Variants in AGBL4 observed in about 807,000 individuals in gnomAD.
The protein encoded by AGBL4 is AGBL carboxypeptidase 4.
Under a neutral mutation model 66.4 loss-of-function variants are expected in AGBL4, and 58 were observed. The ratio of observed to expected loss-of-function variants is 0.87; its 90% confidence interval spans 0.71 to 1.09. The LOEUF is 1.09. AGBL4 is among the 50% of genes least tolerant of loss of function. The pLI is 0.00. For synonymous variants in AGBL4, 234 were observed against 222.9 expected (o/e 1.05, Z -0.44); for missense variants, 579 against 631.0 (o/e 0.92, Z 0.88).
At chr1:49,272,212 G>A (rs1644075753) in intron 3 of AGBL4, among the ~76,000 whole-genome samples, 1 of 152,082 alleles carries the variant, frequency 6.6e-6, no homozygotes, top group Non-Finnish European at 1.5e-5. Context: ...TCTTTTTGGA[G>A]ACCCAGGATT....
intron 3 of AGBL4, among the ~76,000 whole-genome samples, chr1:49,317,494 A>G (rs1645060938): frequency 6.6e-6 from 1 of 151,870 alleles, no homozygotes; most frequent in South Asian, 2.1e-4. Flanking sequence ...AGAATTAAGG[A>G]AGAATCCCAA....
chr1:48,603,186 T>C (rs759820672), intron 9 of AGBL4, among the ~76,000 whole-genome samples: 19 of 152,146 alleles, frequency 1.2e-4, no homozygotes, highest in African/African-American at 2.7e-4. Flanking sequence ...GAACAATACA[T>C]TGGGGCCCAG....
At chr1:48,601,603 A>G (rs1645074405) in intron 9 of AGBL4, among the ~76,000 whole-genome samples, 1 of 152,250 alleles carries the variant, frequency 6.6e-6, no homozygotes, top group Non-Finnish European at 1.5e-5. Context: ...TCTATTGACA[A>G]TAACCACCAT....
chr1:48,726,891 T>C (rs965507155), intron 6 of AGBL4, among the ~76,000 whole-genome samples: 3 of 152,110 alleles, frequency 2.0e-5, no homozygotes, highest in African/African-American at 7.2e-5. Context: ...AAATAGAAAA[T>C]GGAAACTCAG....
intron 1 of AGBL4, among the ~76,000 whole-genome samples, chr1:49,858,306 C>T (rs942340291): frequency 6.6e-6 from 1 of 152,158 alleles, no homozygotes; most frequent in Admixed American, 6.5e-5. Context: ...AGTACATAGA[C>T]ACGATGGAGC....
chr1:49,927,718 G>A (rs116497672), intron 1 of AGBL4, among the ~76,000 whole-genome samples: 2,874 of 151,794 alleles, frequency 0.019, 48 homozygotes, highest in Non-Finnish European at 0.032. Flanking sequence ...GCACATCTAC[G>A]AGATCTAGAA....
At chr1:49,659,347 C>A (rs1306601146) in intron 3 of AGBL4, among the ~76,000 whole-genome samples, 1 of 151,994 alleles carries the variant, frequency 6.6e-6, no homozygotes, top group Non-Finnish European at 1.5e-5. Flanking sequence ...TTAAATGCCC[C>A]AATTAAAAGA....
At chr1:49,269,890 A>C (rs1283434895) in intron 3 of AGBL4, among the ~76,000 whole-genome samples, 2 of 152,098 alleles carry the variant, frequency 1.3e-5, no homozygotes, top group Non-Finnish European at 2.9e-5. Flanking sequence ...GTTTTCCTTT[A>C]ATCCCTACAA....
intron 4 of AGBL4, among the ~76,000 whole-genome samples, chr1:49,113,472 T>A (rs1645454266): frequency 1.3e-5 from 2 of 152,058 alleles, no homozygotes; most frequent in African/African-American, 4.8e-5. Flanking sequence ...AGGCTGTTCT[T>A]GAACACTTGA....
chr1:49,245,497 A>G (rs573208091), intron 4 of AGBL4, among the ~76,000 whole-genome samples: 14 of 151,794 alleles, frequency 9.2e-5, no homozygotes, highest in Admixed American at 7.9e-4. Flanking sequence ...TCATAATTGA[A>G]TGCTGGTCAT....
At chr1:49,343,445 G>A (rs1557856054) in intron 3 of AGBL4, among the ~76,000 whole-genome samples, 2 of 152,166 alleles carry the variant, frequency 1.3e-5, no homozygotes, top group Admixed American at 6.6e-5. Context: ...GCTAATGGAA[G>A]TTATGGAGGG....
chr1:49,611,787 A>G (rs553339956), intron 3 of AGBL4, among the ~76,000 whole-genome samples: 57 of 152,288 alleles, frequency 3.7e-4, no homozygotes, highest in African/African-American at 1.3e-3. Flanking sequence ...AGTAGATGTA[A>G]AATCTCAAGT....
intron 3 of AGBL4, among the ~76,000 whole-genome samples, chr1:49,350,195 TTTTGTTTTG>T (rs1645721656): frequency 6.6e-6 from 1 of 150,500 alleles, no homozygotes; most frequent in African/African-American, 2.5e-5. Flanking sequence ...TTGTTTTTTT[TTTTGTTTTG>T]TTTTGTTTTT....
intron 3 of AGBL4, among the ~76,000 whole-genome samples, chr1:49,256,437 A>G (rs575574573): frequency 6.6e-6 from 1 of 152,360 alleles, no homozygotes; most frequent in African/African-American, 2.4e-5. Flanking sequence ...GATACCAATT[A>G]TGATAGTATC....
At chr1:49,056,751 G>A (rs536699122) in intron 4 of AGBL4, among the ~76,000 whole-genome samples, 3 of 152,290 alleles carry the variant, frequency 2.0e-5, no homozygotes, top group African/African-American at 2.4e-5. Flanking sequence ...AATGGGTTAA[G>A]TAAAGCAAGA....
At position 49,098,188 on chromosome 1, in the gene AGBL4, C is replaced by T. The variant is rs569743749; in HGVS notation, c.378-52388G>A. 2.6e-5 allele frequency among the ~76,000 whole-genome samples: 4 copies of T among 152,320 alleles called. No individual in the cohort carries two copies. In the East Asian group the frequency reaches 7.7e-4, roughly 29 times the overall value. The stretch of plus-strand genomic sequence containing the variant: ...AAATGAAAAGCTATAGGATTAACCA[C>T]AATCTGTAAGAAATAAACATGATAT... On this transcript the variant is annotated intron_variant, in intron 4 of 13. Transcript: ENST00000371839.
At chr1:49,016,496 G>C (rs1165784062) in intron 5 of AGBL4, among the ~76,000 whole-genome samples, 1 of 152,146 alleles carries the variant, frequency 6.6e-6, no homozygotes. Flanking sequence ...AGTCACTTGA[G>C]AGTGCCGGAG....
At chr1:48,697,978 C>A (rs528188201) in intron 6 of AGBL4, among the ~76,000 whole-genome samples, 2 of 152,352 alleles carry the variant, frequency 1.3e-5, no homozygotes, top group Admixed American at 1.3e-4. Flanking sequence ...GGATTCCAGA[C>A]CAAACCCCAA....
chr1:49,867,398 G>A (rs2148103144), intron 1 of AGBL4, among the ~76,000 whole-genome samples: 1 of 150,856 alleles, frequency 6.6e-6, no homozygotes, highest in South Asian at 2.1e-4. Flanking sequence ...ATGCAGGTTT[G>A]TTACATATGT....
Sources: gnomAD v4.1 joint callset for allele counts (sites outside exome capture counted in the v4.1 genomes callset) on GRCh38, gnomAD v4.1.1 for gene constraint, MANE v1.5 for transcripts, NCBI Gene and HGNC (gene_info 2026-07-23, HGNC 2026-07-21) for gene names.